The following PDZD9 variants were observed in gnomAD, a reference collection of about 807,000 sequenced individuals.
The protein encoded by PDZD9 is PDZ domain containing 9.
In PDZD9, 13 loss-of-function variants were observed where a neutral mutation model predicts 16.3. The ratio of observed to expected loss-of-function variants is 0.80; its 90% CI spans 0.52 to 1.27. PDZD9 has a LOEUF of 1.27. Ranked by LOEUF, PDZD9 falls within the 50% of genes most tolerant of loss-of-function variation. The pLI is 0.00. For missense variants in PDZD9, 288 were observed against 310.9 expected, an observed-to-expected ratio of 0.93 and a Z score of 0.55; for synonymous variants, 120 against 111.0, an observed-to-expected ratio of 1.08 and a Z score of -0.51.
intron 2 of PDZD9, among the ~76,000 whole-genome samples, 153 bp downstream of exon 2, chr16:21,996,169 C>G (rs1015724761): frequency 6.6e-6 from 1 of 152,074 alleles, no homozygotes; most frequent in Non-Finnish European, 1.5e-5. Flanking sequence ...AAGTGATCCA[C>G]CCCGCCTTGG....
At chr16:21,990,837 CAT>C (rs1364021318) in intron 2 of PDZD9, among the ~76,000 whole-genome samples, 1 of 152,176 alleles carries the variant, frequency 6.6e-6, no homozygotes, top group Non-Finnish European at 1.5e-5. Flanking sequence ...GTAAACCAAA[CAT>C]GTCAGCATGT....
the PDZD9 span, among the ~76,000 whole-genome samples, chr16:21,968,944 CAAA>C: frequency 6.6e-6 from 1 of 152,098 alleles, no homozygotes; most frequent in South Asian, 2.1e-4. Flanking sequence ...TTTCTCAAAG[CAAA>C]GAGCTTTTAC....
chr16:21,967,979 T>G, the PDZD9 span, among the ~76,000 whole-genome samples: 1 of 151,628 alleles, frequency 6.6e-6, no homozygotes, highest in African/African-American at 2.4e-5. Context: ...GGCCAGTGTA[T>G]GCTCTAATTT....
intron 2 of PDZD9, among the ~76,000 whole-genome samples, chr16:21,994,812 C>A (rs1899104914): frequency 6.6e-6 from 1 of 151,966 alleles, no homozygotes; most frequent in Non-Finnish European, 1.5e-5. Context: ...ATCTCACTGA[C>A]CCTCATTAAG....
In PDZD9 at chr16:21,984,513, G is replaced by A. The variant is rs557827220; in HGVS notation, c.549C>T (p.Ser183=). The change falls in exon 4 of 4, where the codon TCC becomes TCT. Residue 183 remains serine, a synonymous_variant. Coordinates refer to ENST00000424898, the MANE Select transcript of PDZD9 (RefSeq NM_001363519.1). ...TCTTCTTATATCCATGCCAGTCTCT[G>A]GAGATGGATATTGGTCTCCTTGCAG... is the stretch of plus-strand genomic sequence containing the variant. The part of the protein sequence containing the change: ...HHPARRPISI[S]RDWHGYKKKN... 3.1e-6 allele frequency: 5 copies of A among 1,607,942 alleles called. No individual in the cohort carries two copies. Among genetic ancestry groups the A allele is most frequent in the Non-Finnish European group, 4.3e-6 (5 of 1,174,920 alleles).
At chr16:21,972,167 C>T in the PDZD9 span, 5 of 1,565,500 alleles carry the variant, frequency 3.2e-6, no homozygotes, top group Non-Finnish European at 4.3e-6. Context: ...TTCAAAGGCT[C>T]AGTATTTAAG....
the PDZD9 span, chr16:21,958,450 G>C: frequency 1.7e-6 from 2 of 1,189,922 alleles, no homozygotes; most frequent in African/African-American, 3.1e-5. Context: ...TTTTAAATCT[G>C]CTCACAACAG....
Position 21,996,382 on chromosome 16 carries a change from G to A in PDZD9, c.151C>T (p.Leu51Phe). ...GLIIIQHGPY[L>F]QITHLIRKGA... ...TTCCTGATGAGGTGGGTGATCTGGA[G>A]GTAGGGTCCATGCTGGATGATGATG... The change falls in exon 2 of 4, where the codon CTC (leucine) becomes TTC (phenylalanine). Residue 51 changes from leucine (L) to phenylalanine (F), a missense_variant. Coordinates refer to ENST00000424898, the MANE Select transcript of PDZD9 (RefSeq NM_001363519.1). The A allele has an allele frequency of 6.5e-7, 1 of 1,536,082 alleles. No individual in the cohort carries two copies. Among genetic ancestry groups the A allele is most frequent in the South Asian group, 1.2e-5 (1 of 84,054 alleles).
chr16:21,964,017 G>A, the PDZD9 span, among the ~76,000 whole-genome samples: 12 of 152,074 alleles, frequency 7.9e-5, no homozygotes, highest in African/African-American at 2.7e-4. Flanking sequence ...AGCAAGCGCC[G>A]CTGACTCTTG....
chr16:21,988,501 A>T, intron 3 of PDZD9, 101 bp downstream of exon 3: 1 of 1,010,520 alleles, frequency 9.9e-7, no homozygotes. Context: ...TCCTCCTGTC[A>T]TGATCCTTAT....
the PDZD9 span, among the ~76,000 whole-genome samples, chr16:21,959,138 G>A: frequency 6.6e-6 from 1 of 152,172 alleles, no homozygotes; most frequent in Non-Finnish European, 1.5e-5. Context: ...GGTGGTGACT[G>A]ATAATTTCTT....
Position 21,984,268 on chromosome 16 carries a change from T to C in PDZD9, c.794A>G (p.Ter265TrpextTer32). 6.2e-7 allele frequency: 1 copy of C among 1,604,298 alleles called. No individual in the cohort carries two copies. Among genetic ancestry groups the C allele is most frequent in the Non-Finnish European group, 8.5e-7 (1 of 1,173,676 alleles). Residue 265 changes from the stop codon to tryptophan, a stop_lost, in exon 4 of 4, where the codon TAG becomes TGG. Coordinates refer to ENST00000424898, the MANE Select transcript of PDZD9 (RefSeq NM_001363519.1). The part of the protein sequence containing the change: ...GKAQLVSKVG[*>W] ...AATGCTCATATGACCACAGATTTGC[T>C]AACCAACCTTTGATACCAGTTGGGC...
chr16:21,971,400 A>G, the PDZD9 span: 357 of 741,708 alleles, frequency 4.8e-4, 1 homozygote, highest in East Asian at 5.5e-5. Context: ...TTATGGCAGG[A>G]AGACTCTTAT....
downstream of PDZD9, chr16:21,983,202 A>C (rs779692789): frequency 4.4e-6 from 7 of 1,581,616 alleles, no homozygotes; most frequent in Non-Finnish European, 6.1e-6. Flanking sequence ...GAGAGAGCTG[A>C]ACGTTCTCTC....
the PDZD9 span, among the ~76,000 whole-genome samples, chr16:21,966,113 A>C: frequency 6.6e-6 from 1 of 151,500 alleles, no homozygotes; most frequent in Non-Finnish European, 1.5e-5. Context: ...CAGGAGTTCA[A>C]GACCAGCCTG....
intron 1 of PDZD9, among the ~76,000 whole-genome samples, chr16:21,997,911 G>C (rs1899190097): frequency 6.6e-6 from 1 of 152,086 alleles, no homozygotes. Flanking sequence ...CAGGGCCACT[G>C]CTGAGGGAGA....
At chr16:21,962,307 A>T in the PDZD9 span, 2 of 856,008 alleles carry the variant, frequency 2.3e-6, no homozygotes, top group Non-Finnish European at 3.5e-6. Context: ...TTTGAATTTT[A>T]GTTGGTTAAT....
intron 3 of PDZD9, among the ~76,000 whole-genome samples, chr16:21,987,371 G>A (rs1315648748): frequency 6.6e-6 from 1 of 152,118 alleles, no homozygotes; most frequent in Admixed American, 6.5e-5. Flanking sequence ...AGTGAGCCAA[G>A]GTCACGCCAC....
downstream of PDZD9, among the ~76,000 whole-genome samples, chr16:21,982,935 C>T (rs1898768639): frequency 7.2e-6 from 1 of 138,706 alleles, no homozygotes; most frequent in African/African-American, 2.8e-5. Context: ...CTGCACTCCA[C>T]ACTGGGTGAC....
Sources: allele counts gnomAD v4.1 joint callset (sites outside exome capture counted in the v4.1 genomes callset), GRCh38; gene constraint gnomAD v4.1.1; transcripts MANE v1.5; gene names NCBI Gene and HGNC (gene_info 2026-07-23, HGNC 2026-07-21).